SLC9A9: variants seen among roughly 807,000 people sequenced by gnomAD.
The protein encoded by SLC9A9 is sodium/hydrogen exchanger 9.
In SLC9A9, 62 loss-of-function variants were observed where a neutral mutation model predicts 77.8. The ratio of observed to expected loss-of-function variants is 0.80; its 90% CI spans 0.65 to 0.98. The LOEUF is 0.98. Ranked by LOEUF, SLC9A9 falls within the 50% of genes least tolerant of loss-of-function variation. The pLI is 0.00. For synonymous variants in SLC9A9, 320 were observed against 283.5 expected (o/e 1.13, Z -1.29); for missense variants, 775 against 774.9 (o/e 1.00, Z 0.00).
At chr3:143,372,039 C>T (rs1168838090) in intron 13 of SLC9A9, 1 of 403,140 alleles carries the variant, frequency 2.5e-6, no homozygotes, top group Non-Finnish European at 4.9e-6. Flanking sequence ...ATGAGTAGAA[C>T]TACAAAAACA....
chr3:143,443,346 A>C (rs563161579), intron 12 of SLC9A9, among the ~76,000 whole-genome samples: 1 of 151,322 alleles, frequency 6.6e-6, no homozygotes, highest in Non-Finnish European at 1.5e-5. Flanking sequence ...TTTTTTTTTT[A>C]AAGGTTTTCA....
chr3:143,702,564 A>C (rs1452917140), intron 4 of SLC9A9, among the ~76,000 whole-genome samples: 2 of 152,098 alleles, frequency 1.3e-5, no homozygotes, highest in Admixed American at 6.5e-5. Flanking sequence ...AAAAAAATAC[A>C]ATAAACACAT....
chr3:143,832,621 A>C (rs945979451), intron 1 of SLC9A9, among the ~76,000 whole-genome samples: 3 of 152,036 alleles, frequency 2.0e-5, no homozygotes, highest in African/African-American at 7.2e-5. Flanking sequence ...AATCTCAGTT[A>C]TCCCCATCAG....
intron 12 of SLC9A9, among the ~76,000 whole-genome samples, chr3:143,450,310 T>C (rs573074228): frequency 2.7e-4 from 40 of 147,886 alleles, no homozygotes; most frequent in African/African-American, 9.9e-4. Context: ...AATAAATAAT[T>C]TTTATATTAG....
At chr3:143,338,661 G>T (rs945068246) in intron 14 of SLC9A9, among the ~76,000 whole-genome samples, 1 of 152,132 alleles carries the variant, frequency 6.6e-6, no homozygotes, top group African/African-American at 2.4e-5. Context: ...TAGAGGAAAA[G>T]AATCAGAATG....
In SLC9A9 at chr3:143,692,526, C is replaced by T. The variant is rs186460151; in HGVS notation, c.649+666G>A. Among the ~76,000 whole-genome samples the T allele has an allele frequency of 4.0e-4, 61 of 152,270 alleles. 1 individual carries two copies. The highest frequency in any genetic ancestry group is 7.5e-4 in the Non-Finnish European group (51 of 68,004). On this transcript the variant is annotated intron_variant, in intron 5 of 15. Transcript: ENST00000316549. Reference sequence around the variant, plus strand: ...GGTGATTGCCCATATTTGATAATTGCTGAAGGGCATATGCCAATTCTTTTT... The same window carrying T: ...GGTGATTGCCCATATTTGATAATTGTTGAAGGGCATATGCCAATTCTTTTT...
chr3:143,650,765 A>G (rs2038782321), intron 6 of SLC9A9, among the ~76,000 whole-genome samples: 1 of 152,192 alleles, frequency 6.6e-6, no homozygotes, highest in African/African-American at 2.4e-5. Flanking sequence ...TTTTATTAAG[A>G]CATTATGAAG....
chr3:143,319,349 C>T (rs1018233936), intron 14 of SLC9A9, among the ~76,000 whole-genome samples: 1 of 152,220 alleles, frequency 6.6e-6, no homozygotes, highest in African/African-American at 2.4e-5. Flanking sequence ...GCTGCTGCCT[C>T]ATGTTTTCTA....
At chr3:143,673,746 TA>T (rs1290779125) in intron 5 of SLC9A9, among the ~76,000 whole-genome samples, 1 of 151,996 alleles carries the variant, frequency 6.6e-6, no homozygotes, top group Non-Finnish European at 1.5e-5. Flanking sequence ...TCAATATGTC[TA>T]GGGGGGCAGC....
At chr3:143,591,089 G>A (rs73867680) in intron 6 of SLC9A9, among the ~76,000 whole-genome samples, 14,466 of 152,034 alleles carry the variant, frequency 0.095, 1,252 homozygotes, top group African/African-American at 0.23. Context: ...TGCCTGAGAC[G>A]GCCTGAGGGA....
chr3:143,616,500 G>A (rs576128615), intron 6 of SLC9A9, among the ~76,000 whole-genome samples: 1 of 152,212 alleles, frequency 6.6e-6, no homozygotes, highest in South Asian at 2.1e-4. Context: ...GTTATCACTG[G>A]ATTATGGCAT....
At chr3:143,676,479 C>T (rs775355647) in intron 5 of SLC9A9, among the ~76,000 whole-genome samples, 29 of 152,094 alleles carry the variant, frequency 1.9e-4, no homozygotes, top group Non-Finnish European at 3.5e-4. Flanking sequence ...TGGCTCATGC[C>T]TGTAATCCCA....
intron 5 of SLC9A9, among the ~76,000 whole-genome samples, chr3:143,688,536 G>A (rs1415868264): frequency 5.3e-5 from 8 of 152,104 alleles, no homozygotes; most frequent in African/African-American, 1.9e-4. Flanking sequence ...ACCTTAACTA[G>A]CTAGATAGGC....
chr3:143,697,693 C>G lies in SLC9A9; in HGVS notation c.534-4386G>C, dbSNP rs535104910. 9.4e-3 allele frequency among the ~76,000 whole-genome samples: 1,354 copies of G among 144,414 alleles called. 26 individuals carry two copies. The highest frequency in any genetic ancestry group is 0.034 in the African/African-American group (1,290 of 38,158). 94.7% of individuals were successfully genotyped at this position (144,414 alleles called of 152,430 possible). Reference sequence around the variant, plus strand: ...AGAAACATGCATGTGTGTGAGTACACACACACACACACACACACACACCCC... The same window carrying G: ...AGAAACATGCATGTGTGTGAGTACAGACACACACACACACACACACACCCC... On this transcript the variant is annotated intron_variant, in intron 4 of 15. Coordinates refer to ENST00000316549, the MANE Select transcript of SLC9A9 (RefSeq NM_173653.4).
At chr3:143,825,126 C>T (rs2009265943) in intron 2 of SLC9A9, among the ~76,000 whole-genome samples, 1 of 152,018 alleles carries the variant, frequency 6.6e-6, no homozygotes, top group African/African-American at 2.4e-5. Flanking sequence ...ATGAAGCTTG[C>T]TTTCTCTCAG....
chr3:143,606,407 T>TCTCTCTCC (rs1403946312), intron 6 of SLC9A9, among the ~76,000 whole-genome samples: 3 of 32,410 alleles, frequency 9.3e-5, no homozygotes, highest in Non-Finnish European at 1.3e-4. Context: ...TGAATCTCTC[T>TCTCTCTCC]CTCTCTCTCT....
intron 4 of SLC9A9, among the ~76,000 whole-genome samples, chr3:143,785,753 A>T (rs1037073789): frequency 6.6e-6 from 1 of 151,964 alleles, no homozygotes; most frequent in Admixed American, 6.6e-5. Context: ...AGCAAAATCC[A>T]TCAGATTTTG....
chr3:143,610,377 G>T (rs2038005233), intron 6 of SLC9A9, among the ~76,000 whole-genome samples: 1 of 152,066 alleles, frequency 6.6e-6, no homozygotes, highest in African/African-American at 2.4e-5. Flanking sequence ...GAACTCCTGG[G>T]CTCAAGCAAT....
At chr3:143,819,822 T>C (rs1402183451) in intron 2 of SLC9A9, among the ~76,000 whole-genome samples, 1 of 152,244 alleles carries the variant, frequency 6.6e-6, no homozygotes, top group Non-Finnish European at 1.5e-5. Flanking sequence ...AGTGTCTCAT[T>C]TATTTCTTTA....
Sources: gnomAD v4.1 joint callset for allele counts (sites outside exome capture counted in the v4.1 genomes callset) on GRCh38, gnomAD v4.1.1 for gene constraint, MANE v1.5 for transcripts, NCBI Gene and HGNC (gene_info 2026-07-23, HGNC 2026-07-21) for gene names.